PALD1: variants seen among roughly 807,000 people sequenced by gnomAD.
PALD1 encodes the protein paladin.
Under a neutral mutation model 96.0 loss-of-function variants are expected in PALD1, and 57 were observed. That is an observed-to-expected ratio of 0.59 (90% CI 0.48 to 0.74). PALD1 has a LOEUF of 0.74. Ranked by LOEUF, PALD1 falls within the 30% of genes least tolerant of loss-of-function variation. The probability of loss-of-function intolerance (pLI) is 0.00; values close to 1 mark genes in which losing one functional copy is unlikely to be tolerated. For synonymous variants in PALD1, 464 were observed against 473.6 expected (o/e 0.98, Z 0.26); for missense variants, 1,063 against 1,143.7 (o/e 0.93, Z 1.02).
Position 70,539,433 on chromosome 10 carries a change from G to C in PALD1, c.1726-147G>C, listed in dbSNP as rs907395669. ...TGCTCTGCTAACCTGCTTGGCTTTG[G>C]GGGGTGGCTGTGACCCCTGAGGCTT... is the stretch of plus-strand genomic sequence containing the variant. On this transcript the variant is annotated intron_variant, in intron 14 of 19. Transcript: ENST00000263563. This position sits in a 1 kb window ranked among gnomAD's most constrained non-coding sequence, Gnocchi z 4.5. 25 of 1,006,786 alleles carry C rather than the reference G, an allele frequency of 2.5e-5. No homozygotes were observed. The highest frequency in any genetic ancestry group is 3.4e-5 in the South Asian group (2 of 59,156). The allele number at this position is 1,006,786 out of a possible 1,614,324, so 62.4% of individuals were successfully genotyped here.
intron 1 of PALD1, among the ~76,000 whole-genome samples, chr10:70,495,050 A>G (rs1846166936): frequency 6.6e-6 from 1 of 152,202 alleles, no homozygotes; most frequent in Non-Finnish European, 1.5e-5. Flanking sequence ...GGCTGTGTGC[A>G]CAAGGATTTT....
At chr10:70,541,033 TG>T in intron 15 of PALD1, 68 bp from the exon 16 acceptor site, 1 of 1,498,978 alleles carries the variant, frequency 6.7e-7, no homozygotes, top group Non-Finnish European at 8.9e-7. Flanking sequence ...GCCATGTGGA[TG>T]GGGACCCTGT....
chr10:70,518,500 C>T (rs1022025547), intron 1 of PALD1, among the ~76,000 whole-genome samples: 37 of 152,272 alleles, frequency 2.4e-4, no homozygotes, highest in African/African-American at 5.3e-4. Flanking sequence ...CCTCAGAGCT[C>T]GGTATCGTCA....
chr10:70,478,052 G>A (rs1448264980), upstream of PALD1, among the ~76,000 whole-genome samples: 1 of 151,888 alleles, frequency 6.6e-6, no homozygotes, highest in Non-Finnish European at 1.5e-5. Context: ...TGGTGGGGGG[G>A]GCAGGCCTAT....
chr10:70,508,838 GGAACC>G (rs1846454607), intron 1 of PALD1, among the ~76,000 whole-genome samples: 3 of 50,572 alleles, frequency 5.9e-5, no homozygotes, highest in South Asian at 5.0e-4. Flanking sequence ...TGGGAGCTGC[GGAACC>G]TGTGTGTGTG....
At chr10:70,515,365 C>T (rs1038425487) in intron 1 of PALD1, among the ~76,000 whole-genome samples, 1 of 152,206 alleles carries the variant, frequency 6.6e-6, no homozygotes, top group Non-Finnish European at 1.5e-5. Flanking sequence ...AATGGCTTAC[C>T]AGACAAAGCA....
At chr10:70,484,547 T>G (rs1488146787) in intron 1 of PALD1, among the ~76,000 whole-genome samples, 1 of 143,970 alleles carries the variant, frequency 6.9e-6, no homozygotes, top group Admixed American at 6.9e-5. Context: ...TTATTGTTTG[T>G]TTTTTTTTTT....
chr10:70,484,108 T>C (rs1471755705), intron 1 of PALD1, among the ~76,000 whole-genome samples: 1 of 152,144 alleles, frequency 6.6e-6, no homozygotes, highest in East Asian at 1.9e-4. Flanking sequence ...GTTCAAGCAA[T>C]TCTCGTGCCT....
Position 70,530,050 on chromosome 10 carries a change from C to G in PALD1, c.450C>G (p.Leu150=). 6.5e-7 allele frequency: 1 copy of G among 1,537,044 alleles called. No homozygotes were observed. Among genetic ancestry groups the G allele is most frequent in the East Asian group, 2.4e-5 (1 of 41,422 alleles). Residue 150 remains leucine (L), a synonymous_variant, in exon 4 of 20, where the codon CTC becomes CTG. Transcript: ENST00000263563. ...LSGFRRVLQK[L]QKDGHRECVI... ...GGTTCAGGCGGGTCCTCCAGAAACT[C>G]CAGAAGGACGGACATAGGGTAAGTA...
In PALD1 at chr10:70,529,304, C is replaced by T. The variant is rs1325814072; in HGVS notation, c.261C>T (p.Asp87=). 6.3e-7 allele frequency: 1 copy of T among 1,594,350 alleles called. No homozygotes were observed. The highest frequency in any genetic ancestry group is 8.6e-7 in the Non-Finnish European group (1 of 1,167,678). ...ATTACACGTTGGGCCGGCTCTCGGA[C>T]AACACCCCTGAGCACTACCTGGTGC... ...KAHYTLGRLS[D]NTPEHYLVQG... Residue 87 remains aspartate (D), a synonymous_variant, in exon 3 of 20, where the codon GAC becomes GAT. Transcript: ENST00000263563.
chr10:70,470,569 T>C, the PALD1 span, among the ~76,000 whole-genome samples: 1 of 142,454 alleles, frequency 7.0e-6, no homozygotes, highest in African/African-American at 2.8e-5. Flanking sequence ...ATATAATAAA[T>C]AATATTATTT....
At chr10:70,563,997 C>G (rs1847790450) in intron 18 of PALD1, among the ~76,000 whole-genome samples, 1 of 152,146 alleles carries the variant, frequency 6.6e-6, no homozygotes, top group Admixed American at 6.5e-5. Flanking sequence ...GTCCTCCCAC[C>G]CTGGGCATCG....
In PALD1 at chr10:70,566,703, C is replaced by G; in HGVS notation, c.2541C>G (p.Leu847=). ...GGTGGCAGGAGCAGAGCTGCAGCCT[C>G]GAGCCCTCTGCCCCCGAGGACTTGC... ...RYRWQEQSCS[L]EPSAPEDLL is the part of the protein sequence containing the mutation. Residue 847 remains leucine (L), a synonymous_variant, in exon 20 of 20, where the codon CTC becomes CTG. Coordinates refer to ENST00000263563, the MANE Select transcript of PALD1 (RefSeq NM_014431.3). The G allele has an allele frequency of 1.2e-6, 2 of 1,604,724 alleles. No homozygotes were observed. The highest frequency in any genetic ancestry group is 1.7e-6 in the Non-Finnish European group (2 of 1,177,160).
At chr10:70,552,374 G>A (rs1174625152) in intron 18 of PALD1, among the ~76,000 whole-genome samples, 2 of 152,104 alleles carry the variant, frequency 1.3e-5, no homozygotes, top group African/African-American at 4.8e-5. Context: ...ACCTCGTAGC[G>A]CATGTGGCTT....
chr10:70,480,469 C>T (rs1364037196), intron 1 of PALD1, among the ~76,000 whole-genome samples: 2 of 152,182 alleles, frequency 1.3e-5, no homozygotes, highest in Non-Finnish European at 2.9e-5. Flanking sequence ...CATGCACCCC[C>T]CTCCCTTTCC....
rs1228471790 is a variant in PALD1 at position 70,493,576 on chromosome 10, T to C, written c.-30+14517T>C. Among the ~76,000 whole-genome samples the C allele has an allele frequency of 2.6e-5, 4 of 152,362 alleles. No homozygotes were observed. In the East Asian group the frequency reaches 5.8e-4, roughly 22 times the overall value. ...GCTGAGGGTGGCGTTGGCCCCCTTG[T>C]CTGTCTGTTCAGTCCTCACTGCACA... On this transcript the variant is annotated intron_variant, in intron 1 of 19. Transcript: ENST00000263563.
chr10:70,498,616 T>C (rs1222713098), intron 1 of PALD1, among the ~76,000 whole-genome samples: 3 of 151,960 alleles, frequency 2.0e-5, no homozygotes, highest in Non-Finnish European at 4.4e-5. Context: ...GTAATTGTTC[T>C]TTTGAGCATA....
intron 17 of PALD1, among the ~76,000 whole-genome samples, 190 bp downstream of exon 17, chr10:70,541,724 C>T (rs1043987036): frequency 6.6e-6 from 1 of 152,212 alleles, no homozygotes; most frequent in Non-Finnish European, 1.5e-5. Context: ...GGCTCTGAGG[C>T]CCTGGCAGAC....
chr10:70,494,451 C>T (rs1846154730), intron 1 of PALD1, among the ~76,000 whole-genome samples: 1 of 152,190 alleles, frequency 6.6e-6, no homozygotes, highest in Non-Finnish European at 1.5e-5. Flanking sequence ...AAATGATCCT[C>T]AGAAAGGTGG....
Sources: allele counts gnomAD v4.1 joint callset (sites outside exome capture counted in the v4.1 genomes callset), GRCh38; gene constraint gnomAD v4.1.1; non-coding constraint Gnocchi (gnomAD v3.1); transcripts MANE v1.5; gene names NCBI Gene and HGNC (gene_info 2026-07-23, HGNC 2026-07-21).